The following MYCBP2 variants were observed in gnomAD, a reference collection of about 807,000 sequenced individuals.
The protein encoded by MYCBP2 is MYC binding protein 2, also known as E3 ubiquitin-protein ligase MYCBP2.
In MYCBP2, 120 loss-of-function variants were observed where a neutral mutation model predicts 525.3. The ratio of observed to expected loss-of-function variants is 0.23; its 90% CI spans 0.20 to 0.27. The LOEUF is 0.27. Ranked by LOEUF, MYCBP2 falls within the 10% of genes least tolerant of loss-of-function variation. MYCBP2 has a pLI of 1.00. For missense variants in MYCBP2, 4,149 were observed against 5,657.1 expected (o/e 0.73, Z 8.55); for synonymous variants, 1,894 against 1,955.8 (o/e 0.97, Z 0.83).
At position 77,299,657 on chromosome 13, in the gene MYCBP2, A is replaced by C. The variant is rs142564223; in HGVS notation, c.303-2983T>G. 8.7e-3 allele frequency among the ~76,000 whole-genome samples: 1,326 copies of C among 152,218 alleles called. 21 individuals carry two copies. The highest frequency in any genetic ancestry group is 0.03 in the African/African-American group (1,235 of 41,536). ...CTGAGGATGGGAATATAAAAGAGAA[A>C]CTCTAAAAACCAGTCTTACACATTA... On this transcript the variant is annotated intron_variant, in intron 1 of 82. Coordinates refer to ENST00000544440, the MANE Select transcript of MYCBP2 (RefSeq NM_015057.5).
chr13:77,250,994 T>G (rs2071111717), intron 15 of MYCBP2, among the ~76,000 whole-genome samples, 157 bp downstream of exon 15: 1 of 152,206 alleles, frequency 6.6e-6, no homozygotes, highest in Non-Finnish European at 1.5e-5. Context: ...AAAACAATTA[T>G]AAGAATTATA....
In MYCBP2 at chr13:77,315,820, G is replaced by A. The variant is rs181137904; in HGVS notation, c.302+10654C>T. On this transcript the variant is annotated intron_variant, in intron 1 of 82. Coordinates refer to ENST00000544440, the MANE Select transcript of MYCBP2 (RefSeq NM_015057.5). The stretch of plus-strand genomic sequence containing the variant: ...TGAGGCAGGAGACTTGCTGGATCCC[G>A]GGAGGCAGAGGCTTCAGTGAGCCGA... Among the ~76,000 whole-genome samples, 24 of 151,092 alleles carry A rather than the reference G, an allele frequency of 1.6e-4. 1 individual carries two copies. The East Asian group carries it at 3.7e-3, about 23-fold the overall frequency.
chr13:77,315,894 CAAAAAAAA>C (rs34819956), intron 1 of MYCBP2, among the ~76,000 whole-genome samples: 2 of 94,272 alleles, frequency 2.1e-5, no homozygotes, highest in Non-Finnish European at 4.4e-5. Flanking sequence ...GGCTCTGTCT[CAAAAAAAA>C]AAAAAAAAAA....
chr13:77,143,609 G>A (rs1054782487), intron 49 of MYCBP2, among the ~76,000 whole-genome samples: 6 of 152,126 alleles, frequency 3.9e-5, no homozygotes, highest in Admixed American at 6.5e-5. Context: ...CTCCATAATT[G>A]TGCGAGCCAA....
At chr13:77,054,248 G>A (rs1378158144) in intron 80 of MYCBP2, among the ~76,000 whole-genome samples, 1 of 152,174 alleles carries the variant, frequency 6.6e-6, no homozygotes, top group Non-Finnish European at 1.5e-5. Context: ...GTCAGTGGGT[G>A]AGCAGACAGG....
rs796087009 is a variant in MYCBP2 at position 77,156,975 on chromosome 13, AT to A, written c.6771-774del. 8.4e-3 allele frequency among the ~76,000 whole-genome samples: 1,258 copies of A among 150,344 alleles called. 22 individuals are homozygous for A. Among genetic ancestry groups the A allele is most frequent in the African/African-American group, 0.029 (1,199 of 41,100 alleles). ...AAATTAAAACCAGAAAAAAGTTGGG[AT>A]TTTTTTTTTACTAGTAAAATCATGC... On this transcript the variant is annotated intron_variant, in intron 45 of 82. Coordinates refer to ENST00000544440, the MANE Select transcript of MYCBP2 (RefSeq NM_015057.5).
chr13:77,143,905 A>C (rs531354836), intron 49 of MYCBP2, among the ~76,000 whole-genome samples: 2 of 152,362 alleles, frequency 1.3e-5, no homozygotes, highest in South Asian at 4.1e-4. Context: ...AAGGTACAGG[A>C]AAATCTTATA....
At chr13:77,198,740 C>A (rs1315067825) in intron 26 of MYCBP2, among the ~76,000 whole-genome samples, 1 of 152,192 alleles carries the variant, frequency 6.6e-6, no homozygotes, top group African/African-American at 2.4e-5. Context: ...TCCCCTAACA[C>A]TATCTCTCAC....
In MYCBP2 at chr13:77,166,518, C is replaced by T. The variant is rs770147270; in HGVS notation, c.6151G>A (p.Glu2051Lys). ...GCAGTACCACACTGAGGGTCAAATT[C>T]GATTGTCATCCACCTCACACATTCT... ...FPECVRWMTI[E>K]FDPQCGTAQS... Residue 2051 changes from glutamate to lysine, a missense_variant, in exon 41 of 83, where the codon GAA becomes AAA. Around this residue, in one of 21 missense-constraint regions of MYCBP2, gnomAD observed 692 missense variants for 852.7 expected, o/e 0.81. Transcript: ENST00000544440. The T allele has an allele frequency of 3.1e-6, 5 of 1,613,234 alleles. No homozygotes were observed. Among genetic ancestry groups the T allele is most frequent in the Middle Eastern group, 1.7e-4 (1 of 6,060 alleles).
chr13:77,299,510 T>C (rs765614834), intron 1 of MYCBP2, among the ~76,000 whole-genome samples: 1 of 152,176 alleles, frequency 6.6e-6, no homozygotes, highest in Non-Finnish European at 1.5e-5. Flanking sequence ...AGTAATAAGT[T>C]GAAAATTATA....
chr13:77,318,376 A>G (rs887750369), intron 1 of MYCBP2, among the ~76,000 whole-genome samples: 1 of 152,260 alleles, frequency 6.6e-6, no homozygotes, highest in Non-Finnish European at 1.5e-5. Flanking sequence ...CCAAATAACA[A>G]GAATTCATGT....
At chr13:77,134,807 G>C (rs2053485318) in intron 52 of MYCBP2, among the ~76,000 whole-genome samples, 1 of 152,102 alleles carries the variant, frequency 6.6e-6, no homozygotes, top group African/African-American at 2.4e-5. Flanking sequence ...AACTAAATTA[G>C]GATATGAATA....
intron 29 of MYCBP2, among the ~76,000 whole-genome samples, chr13:77,189,930 A>G (rs1336957081): frequency 6.6e-6 from 1 of 152,088 alleles, no homozygotes; most frequent in Non-Finnish European, 1.5e-5. Flanking sequence ...TCCAAGACAA[A>G]TTTTATTCTT....
chr13:77,067,937 CT>C (rs1566365000), intron 70 of MYCBP2, 73 bp from the exon 71 acceptor site: 1 of 1,442,190 alleles, frequency 6.9e-7, no homozygotes, highest in Non-Finnish European at 9.3e-7. Context: ...TTTCTCTTTT[CT>C]TTTTTTAAAG....
chr13:77,102,357 T>C (rs1204231377), intron 55 of MYCBP2, among the ~76,000 whole-genome samples: 1 of 151,712 alleles, frequency 6.6e-6, no homozygotes, highest in Non-Finnish European at 1.5e-5. Flanking sequence ...GAGAAACATA[T>C]AGCTGTTTTA....
chr13:77,120,840 T>C (rs2050568550), intron 55 of MYCBP2, among the ~76,000 whole-genome samples: 1 of 152,228 alleles, frequency 6.6e-6, no homozygotes, highest in African/African-American at 2.4e-5. Context: ...TACAACTTTC[T>C]GGTTTTATTA....
intron 69 of MYCBP2, among the ~76,000 whole-genome samples, chr13:77,069,591 T>C (rs961889400): frequency 2.8e-5 from 4 of 142,558 alleles, no homozygotes; most frequent in African/African-American, 1.1e-4. Context: ...TACAAAAATA[T>C]TATGCCTGTA....
intron 55 of MYCBP2, among the ~76,000 whole-genome samples, chr13:77,110,886 A>G (rs2048705422): frequency 1.3e-5 from 2 of 152,194 alleles, no homozygotes; most frequent in South Asian, 2.1e-4. Context: ...TCAAAATGAG[A>G]GCTGGATAAC....
At chr13:77,180,089 A>G (rs866837561) in intron 34 of MYCBP2, 38 bp downstream of exon 34, 2 of 1,512,358 alleles carry the variant, frequency 1.3e-6, no homozygotes, top group Middle Eastern at 3.9e-4. Context: ...AAACTTACAC[A>G]TGTGCTTTTT....
Sources: allele counts gnomAD v4.1 joint callset (sites outside exome capture counted in the v4.1 genomes callset), GRCh38; gene constraint gnomAD v4.1.1; regional missense constraint gnomAD v4.1.1; transcripts MANE v1.5; gene names NCBI Gene and HGNC (gene_info 2026-07-23, HGNC 2026-07-21).